The following FLT1 variants were observed in gnomAD, a reference collection of about 807,000 sequenced individuals.
FLT1 encodes fms related receptor tyrosine kinase 1, also known as vascular endothelial growth factor receptor 1.
Under a neutral mutation model 156.3 loss-of-function variants are expected in FLT1, and 49 were observed. The ratio of observed to expected loss-of-function variants is 0.31; its 90% CI spans 0.25 to 0.40. FLT1 has a LOEUF of 0.40. Among genes scored for constraint, FLT1 ranks in the 10% least tolerant of loss-of-function variants. The pLI, the probability that FLT1 is intolerant of heterozygous loss-of-function variation, is 1.00. For synonymous variants in FLT1, 594 were observed against 583.8 expected (o/e 1.02, Z -0.25); for missense variants, 1,322 against 1,637.2 (o/e 0.81, Z 3.32).
intron 10 of FLT1, among the ~76,000 whole-genome samples, chr13:28,406,992 C>T (rs866331218): frequency 6.6e-6 from 1 of 152,148 alleles, no homozygotes; most frequent in Non-Finnish European, 1.5e-5. Context: ...GAGTGTTAAA[C>T]TATCGCATCT....
intron 11 of FLT1, chr13:28,399,001 G>T: frequency 7.4e-7 from 1 of 1,343,704 alleles, no homozygotes; most frequent in Non-Finnish European, 1.0e-6. Context: ...AAAAAATTCT[G>T]AATAGCCATT....
At chr13:28,326,731 G>A (rs1410089723) in intron 20 of FLT1, among the ~76,000 whole-genome samples, 2 of 151,974 alleles carry the variant, frequency 1.3e-5, no homozygotes, top group Non-Finnish European at 2.9e-5. Flanking sequence ...TCACCATGCT[G>A]GCCAGGCTGG....
chr13:28,488,056 C>G (rs529871040), intron 1 of FLT1, among the ~76,000 whole-genome samples: 5 of 151,818 alleles, frequency 3.3e-5, no homozygotes, highest in African/African-American at 1.2e-4. Flanking sequence ...TGGCCCAGGT[C>G]TAGTCCCTTA....
chr13:28,478,125 C>T (rs1368856393), intron 1 of FLT1, among the ~76,000 whole-genome samples: 1 of 152,192 alleles, frequency 6.6e-6, no homozygotes, highest in Non-Finnish European at 1.5e-5. Flanking sequence ...ACTAGTAGTA[C>T]TAATAACATG....
chr13:28,422,370 C>T (rs1877063321), intron 10 of FLT1, among the ~76,000 whole-genome samples: 1 of 152,136 alleles, frequency 6.6e-6, no homozygotes, highest in African/African-American at 2.4e-5. Context: ...CTATTATAAT[C>T]AATCAGTGTT....
chr13:28,410,348 C>T (rs1221982338), intron 10 of FLT1, among the ~76,000 whole-genome samples: 1 of 152,166 alleles, frequency 6.6e-6, no homozygotes, highest in Non-Finnish European at 1.5e-5. Flanking sequence ...AAGTGGTTCT[C>T]TTGTGAGGAA....
At chr13:28,316,860 T>C (rs1871231863) in intron 25 of FLT1, among the ~76,000 whole-genome samples, 1 of 152,054 alleles carries the variant, frequency 6.6e-6, no homozygotes. Flanking sequence ...TGACCTCAAG[T>C]GATCCGCCCG....
intron 15 of FLT1, among the ~76,000 whole-genome samples, chr13:28,357,308 G>A (rs1255311453): frequency 1.3e-5 from 2 of 152,088 alleles, no homozygotes; most frequent in Non-Finnish European, 2.9e-5. Context: ...TTCTGGGAAC[G>A]ACTTCTCCCG....
intron 16 of FLT1, among the ~76,000 whole-genome samples, chr13:28,343,863 C>T (rs981719697): frequency 5.3e-4 from 81 of 151,614 alleles, no homozygotes; most frequent in African/African-American, 1.9e-3. Context: ...ACGATGGTCT[C>T]GATCTCCTGA....
chr13:28,495,041 G>A lies in FLT1; in HGVS notation c.-198C>T. ...CCGCTGGCCGCTGCACCCGAGCCCC[G>A]GAGCCCGCTCCGAGCCGCCGCCGCT... On this transcript the variant is annotated 5_prime_UTR_variant, in exon 1 of 30. Transcript: ENST00000282397. This position sits in a 1 kb window ranked among gnomAD's most constrained non-coding sequence, Gnocchi z 4.1. 1 of 484,054 alleles carries A rather than the reference G, an allele frequency of 2.1e-6. No individual in the cohort carries two copies. Among genetic ancestry groups the A allele is most frequent in the East Asian group, 3.6e-5 (1 of 28,108 alleles). The allele number at this position is 484,054 out of a possible 1,614,324, so 30.0% of individuals were successfully genotyped here.
intron 20 of FLT1, among the ~76,000 whole-genome samples, chr13:28,324,673 T>C (rs752320309): frequency 6.6e-6 from 1 of 152,242 alleles, no homozygotes; most frequent in Non-Finnish European, 1.5e-5. Flanking sequence ...ACAAGATCCT[T>C]TGTGGGACAG....
At chr13:28,337,383 C>A (rs1169206475) in intron 17 of FLT1, among the ~76,000 whole-genome samples, 2 of 152,194 alleles carry the variant, frequency 1.3e-5, no homozygotes, top group East Asian at 3.8e-4. Flanking sequence ...ACAGCCTTTT[C>A]TCTCTATCTG....
intron 14 of FLT1, among the ~76,000 whole-genome samples, chr13:28,358,664 A>T (rs576027143): frequency 1.3e-5 from 2 of 152,364 alleles, no homozygotes; most frequent in South Asian, 4.1e-4. Context: ...AGGCTAAGAC[A>T]TGGTATCTGT....
At chr13:28,424,228 T>G (rs966843820) in intron 10 of FLT1, among the ~76,000 whole-genome samples, 2 of 152,052 alleles carry the variant, frequency 1.3e-5, no homozygotes, top group Non-Finnish European at 2.9e-5. Flanking sequence ...TATGAGCCAC[T>G]GCACCTGGCC....
chr13:28,332,275 C>A (rs1434758670), intron 18 of FLT1, among the ~76,000 whole-genome samples: 1 of 152,068 alleles, frequency 6.6e-6, no homozygotes, highest in African/African-American at 2.4e-5. Flanking sequence ...CAAACTCATT[C>A]ATCTCCCTAT....
At chr13:28,445,456 C>T (rs1238524609) in intron 3 of FLT1, among the ~76,000 whole-genome samples, 1 of 151,996 alleles carries the variant, frequency 6.6e-6, no homozygotes, top group Non-Finnish European at 1.5e-5. Context: ...GCCTGGGTGA[C>T]AGAGCTAGAC....
At chr13:28,405,190 T>C (rs369207765) in intron 11 of FLT1, among the ~76,000 whole-genome samples, 4 of 151,762 alleles carry the variant, frequency 2.6e-5, no homozygotes, top group African/African-American at 9.7e-5. Context: ...TCAGTGGGGG[T>C]TAGGGGAGTA....
intron 1 of FLT1, among the ~76,000 whole-genome samples, chr13:28,468,964 A>G (rs1037010284): frequency 6.6e-6 from 1 of 152,172 alleles, no homozygotes; most frequent in Non-Finnish European, 1.5e-5. Flanking sequence ...CCTTGAAGCT[A>G]TTACTGACCA....
intron 14 of FLT1, among the ~76,000 whole-genome samples, chr13:28,358,797 G>A (rs1873002580): frequency 6.6e-6 from 1 of 152,172 alleles, no homozygotes; most frequent in Non-Finnish European, 1.5e-5. Flanking sequence ...GAATGAGAAT[G>A]AGTGAATACA....
Sources: allele counts gnomAD v4.1 joint callset (sites outside exome capture counted in the v4.1 genomes callset), GRCh38; gene constraint gnomAD v4.1.1; non-coding constraint Gnocchi (gnomAD v3.1); transcripts MANE v1.5; gene names NCBI Gene and HGNC (gene_info 2026-07-23, HGNC 2026-07-21).